Variants in STK32A observed in about 807,000 individuals in gnomAD.
The protein encoded by STK32A is serine/threonine kinase 32A.
STK32A carries 41 observed loss-of-function variants against 53.2 expected under a neutral mutation model. The ratio of observed to expected loss-of-function variants is 0.77; its 90% CI spans 0.60 to 1.00. The LOEUF (loss-of-function observed/expected upper bound fraction) is 1.00, where lower values mean the gene tolerates loss of function less well. Ranked by LOEUF, STK32A falls within the 50% of genes least tolerant of loss-of-function variation. The pLI, the probability that STK32A is intolerant of heterozygous loss-of-function variation, is 0.00. For missense variants in STK32A, 458 were observed against 485.8 expected (o/e 0.94, Z 0.54); for synonymous variants, 166 against 162.8 (o/e 1.02, Z -0.15).
chr5:147,323,301 T>C (rs1044776458), intron 4 of STK32A, among the ~76,000 whole-genome samples: 3 of 152,224 alleles, frequency 2.0e-5, no homozygotes, highest in African/African-American at 7.2e-5. Context: ...AATTGAGCTC[T>C]GGTTTTACCT....
In STK32A at chr5:147,382,520, G is replaced by A. The variant is rs572131993; in HGVS notation, c.1033-921G>A. Among the ~76,000 whole-genome samples the A allele has an allele frequency of 1.8e-4, 27 of 151,998 alleles. No individual in the cohort carries two copies. The South Asian group carries it at 5.4e-3, about 30-fold the overall frequency. ...GCATGCCTTGTTATTTTTTGTATTG[G>A]ACACTTGAATCTAATAATGTGATAA... On this transcript the variant is annotated intron_variant, in intron 11 of 12. Coordinates refer to ENST00000397936, the MANE Select transcript of STK32A (RefSeq NM_001112724.2).
Position 147,370,734 on chromosome 5 carries a change from T to C in STK32A, c.741T>C (p.Ser247=), listed in dbSNP as rs1756973442. Residue 247 remains serine, a synonymous_variant, in exon 9 of 13, where the codon TCT becomes TCC. Coordinates refer to ENST00000397936, the MANE Select transcript of STK32A (RefSeq NM_001112724.2). ...TFETTVVTYP[S]AWSQEMVSLL... ...AGACGACTGTTGTAACTTACCCTTC[T>C]GCCTGGTCACAGGAAATGGTGTCAC... 6.2e-7 allele frequency: 1 copy of C among 1,612,624 alleles called. No individual in the cohort carries two copies.
At chr5:147,359,520 GT>G (rs1259448709) in intron 7 of STK32A, among the ~76,000 whole-genome samples, 2 of 152,158 alleles carry the variant, frequency 1.3e-5, no homozygotes, top group Admixed American at 1.3e-4. Flanking sequence ...ATAGAGTAAT[GT>G]TTATTCTATT....
intron 11 of STK32A, among the ~76,000 whole-genome samples, chr5:147,379,105 G>A (rs1757352649): frequency 6.6e-6 from 1 of 151,600 alleles, no homozygotes; most frequent in Admixed American, 6.6e-5. Flanking sequence ...TCCTTGAGCA[G>A]TGGTTTGTAT....
At chr5:147,397,598 G>GT in the STK32A span, 25 of 1,518,926 alleles carry the variant, frequency 1.6e-5, no homozygotes, top group Non-Finnish European at 2.1e-5. Context: ...TGTGTTCATG[G>GT]TTACTATCTC....
intron 4 of STK32A, among the ~76,000 whole-genome samples, chr5:147,314,425 G>C (rs1315529645): frequency 6.7e-6 from 1 of 149,800 alleles, no homozygotes; most frequent in Admixed American, 6.7e-5. Context: ...TTGAACCTGG[G>C]AGGTAGAGGT....
intron 4 of STK32A, among the ~76,000 whole-genome samples, chr5:147,317,244 G>A (rs990818159): frequency 1.3e-5 from 2 of 150,872 alleles, no homozygotes; most frequent in African/African-American, 4.9e-5. Flanking sequence ...ATAGATTGAC[G>A]TGACATGAAG....
Position 147,330,359 on chromosome 5 carries a change from G to A in STK32A, c.434+6288G>A, listed in dbSNP as rs12520080. ...GAAAACAGAGTACACATACTTGAAT[G>A]ATGATATATAACATTGTAACATAAC... On this transcript the variant is annotated intron_variant, in intron 5 of 12. Transcript: ENST00000397936. 0.014 allele frequency among the ~76,000 whole-genome samples: 2,060 copies of A among 152,320 alleles called. 139 individuals carry two copies. In the East Asian group the frequency reaches 0.2, roughly 15 times the overall value.
At chr5:147,370,162 T>C (rs1052015374) in intron 8 of STK32A, among the ~76,000 whole-genome samples, 7 of 151,984 alleles carry the variant, frequency 4.6e-5, no homozygotes, top group African/African-American at 1.7e-4. Flanking sequence ...GGGACTGGAG[T>C]TGATGTTTTC....
intron 8 of STK32A, among the ~76,000 whole-genome samples, chr5:147,364,173 A>G (rs1380223500): frequency 6.7e-6 from 1 of 149,356 alleles, no homozygotes; most frequent in African/African-American, 2.5e-5. Context: ...TGAGAACACA[A>G]CATTGTACTC....
intron 2 of STK32A, among the ~76,000 whole-genome samples, chr5:147,269,621 A>C (rs1754945149): frequency 6.6e-6 from 1 of 152,192 alleles, no homozygotes; most frequent in Admixed American, 6.5e-5. Context: ...CAAGACTTTT[A>C]CTTGATTTTT....
At chr5:147,379,570 C>G (rs779544816) in intron 11 of STK32A, among the ~76,000 whole-genome samples, 1 of 152,004 alleles carries the variant, frequency 6.6e-6, no homozygotes, top group Non-Finnish European at 1.5e-5. Context: ...TTCCTTGGCT[C>G]TTTTTATGCT....
At chr5:147,250,354 C>G (rs1030757738) in intron 2 of STK32A, among the ~76,000 whole-genome samples, 1 of 152,118 alleles carries the variant, frequency 6.6e-6, no homozygotes, top group Non-Finnish European at 1.5e-5. Flanking sequence ...ATGGCTAAGT[C>G]TGCTCTGAGA....
At chr5:147,365,625 C>T (rs1035844904) in intron 8 of STK32A, among the ~76,000 whole-genome samples, 1 of 151,754 alleles carries the variant, frequency 6.6e-6, no homozygotes, top group Non-Finnish European at 1.5e-5. Flanking sequence ...CCACTTCACC[C>T]TTAATTTTTT....
intron 4 of STK32A, among the ~76,000 whole-genome samples, chr5:147,312,290 G>A (rs1300173165): frequency 6.6e-6 from 1 of 152,100 alleles, no homozygotes; most frequent in Non-Finnish European, 1.5e-5. Flanking sequence ...TTGTAGTAGA[G>A]ACGGGGTTTT....
chr5:147,393,834 G>C, the STK32A span: 1 of 601,002 alleles, frequency 1.7e-6, no homozygotes, highest in East Asian at 2.9e-5. Context: ...ACAAATCAAG[G>C]CTATGCATAA....
At chr5:147,248,787 A>T (rs1037549724) in intron 2 of STK32A, among the ~76,000 whole-genome samples, 1 of 152,230 alleles carries the variant, frequency 6.6e-6, no homozygotes. Flanking sequence ...AAGTGCTGAC[A>T]GTGCAAACAG....
chr5:147,393,740 G>A, the STK32A span: 12 of 363,702 alleles, frequency 3.3e-5, no homozygotes, highest in African/African-American at 1.2e-4. Context: ...CACTACACAC[G>A]CTCTCAACAC....
At position 147,324,050 on chromosome 5, in the gene STK32A, A is replaced by C. The variant is rs1331102678; in HGVS notation, c.413A>C (p.Gln138Pro). Residue 138 changes from glutamine (Q) to proline (P), a missense_variant, in exon 5 of 13, where the codon CAG becomes CCG. Physicochemically the swap from Gln to Pro is moderately conservative, Grantham distance 76 (BLOSUM62 -1). Coordinates refer to ENST00000397936, the MANE Select transcript of STK32A (RefSeq NM_001112724.2). The part of the protein sequence containing the change: ...CELVMALDYL[Q>P]NQRIIHRDMK... ...CTGGTCATGGCCCTGGACTACCTGC[A>C]GAACCAGCGCATCATTCACAGGTCA... The C allele has an allele frequency of 1.2e-6, 2 of 1,607,214 alleles. No homozygotes were observed. Among genetic ancestry groups the C allele is most frequent in the Non-Finnish European group, 1.7e-6 (2 of 1,176,768 alleles).
Sources: gnomAD v4.1 joint callset for allele counts (sites outside exome capture counted in the v4.1 genomes callset) on GRCh38, gnomAD v4.1.1 for gene constraint, MANE v1.5 for transcripts, NCBI Gene and HGNC (gene_info 2026-07-23, HGNC 2026-07-21) for gene names.